Variants in COL9A2 observed in about 807,000 individuals in gnomAD.
COL9A2 encodes collagen alpha-2(IX) chain.
In COL9A2, 66 loss-of-function variants were observed where a neutral mutation model predicts 111.6. That is an observed-to-expected ratio of 0.59 (90% CI 0.48 to 0.73). The LOEUF (loss-of-function observed/expected upper bound fraction) is 0.73. Among genes scored for constraint, COL9A2 ranks in the 30% least tolerant of loss-of-function variants. The probability of loss-of-function intolerance (pLI) is 0.00; values close to 1 mark genes in which losing one functional copy is unlikely to be tolerated. For synonymous variants in COL9A2, 353 were observed against 364.1 expected (o/e 0.97, Z 0.35); for missense variants, 881 against 954.1 (o/e 0.92, Z 1.01).
chr1:40,307,478 G>T lies in COL9A2; in HGVS notation c.976C>A (p.Gln326Lys), dbSNP rs12077871. 1.9e-6 allele frequency: 3 copies of T among 1,614,066 alleles called. No individual in the cohort carries two copies. Among genetic ancestry groups the T allele is most frequent in the East Asian group, 2.2e-5 (1 of 44,866 alleles). Reference sequence around the variant, plus strand: ...CCCTGGTGGCCTGGACTTCCGGGCTGTCCCGCCTGTCCTGCACTGCCCTGG... The same window carrying T: ...CCCTGGTGGCCTGGACTTCCGGGCTTTCCCGCCTGTCCTGCACTGCCCTGG... ...GMKGSAGQAG[Q>K]PGSPGHQGLA... is the part of the protein sequence containing the mutation. Residue 326 changes from glutamine to lysine, a missense_variant, in exon 19 of 32, where the codon CAG becomes AAG. Gln to Lys is a moderately conservative substitution (Grantham distance 53). Transcript: ENST00000372748. The surrounding 1 kb of genome is among the most constrained non-coding windows in gnomAD (Gnocchi z 4.8).
intron 16 of COL9A2, among the ~76,000 whole-genome samples, chr1:40,308,993 C>T (rs1360384634): frequency 6.6e-6 from 1 of 152,180 alleles, no homozygotes; most frequent in East Asian, 1.9e-4. Flanking sequence ...CACCTGTAAT[C>T]CCAGCACTTT....
intron 17 of COL9A2, among the ~76,000 whole-genome samples, 160 bp downstream of exon 17, chr1:40,308,032 A>G (rs114431912): frequency 6.6e-6 from 1 of 152,284 alleles, no homozygotes; most frequent in African/African-American, 2.4e-5. Flanking sequence ...TTACAGGTGA[A>G]GAAACTGAGG....
intron 25 of COL9A2, 35 bp from the exon 26 acceptor site, chr1:40,304,007 C>A: frequency 6.4e-7 from 1 of 1,569,334 alleles, no homozygotes; most frequent in East Asian, 2.3e-5. Flanking sequence ...CGCGCGGTGG[C>A]GGCGGGGACG....
rs1243701330 is a variant in COL9A2 at position 40,307,863 on chromosome 1, G to A, written c.901-107C>T. On this transcript the variant is annotated intron_variant, in intron 17 of 31. Transcript: ENST00000372748. The surrounding 1 kb of genome is among the most constrained non-coding windows in gnomAD (Gnocchi z 4.8). The stretch of plus-strand genomic sequence containing the variant: ...AGCTGCAGTGTGCAGGGAGGGAGTG[G>A]CTCTGGTCATCCCAGGAAGCCCCAC... 1.8e-5 allele frequency: 22 copies of A among 1,251,994 alleles called. No homozygotes were observed. The highest frequency in any genetic ancestry group is 2.2e-5 in the Non-Finnish European group (19 of 867,670). The allele number at this position is 1,251,994 out of a possible 1,614,324, so 77.6% of individuals were successfully genotyped here. A position where few individuals can be genotyped will look rare whatever the true frequency, so the allele number is the denominator to read the frequency against.
At position 40,310,905 on chromosome 1, in the gene COL9A2, A is replaced by G; in HGVS notation, c.631-138T>C. On this transcript the variant is annotated intron_variant, in intron 12 of 31. Transcript: ENST00000372748. This position sits in a 1 kb window ranked among gnomAD's most constrained non-coding sequence, Gnocchi z 4.9. ...CGAACCCTACAGTCCTGTGTTACAGATAGAGAAAAGCCAAGCAAGGAGACA... is the reference window on the plus strand; with the variant it reads ...CGAACCCTACAGTCCTGTGTTACAGGTAGAGAAAAGCCAAGCAAGGAGACA... 9.4e-7 allele frequency: 1 copy of G among 1,060,930 alleles called. No homozygotes were observed. Among genetic ancestry groups the G allele is most frequent in the South Asian group, 1.3e-5 (1 of 74,556 alleles). 65.7% of individuals were successfully genotyped at this position (1,060,930 alleles called of 1,614,324 possible). A position where few individuals can be genotyped will look rare whatever the true frequency, so the allele number is the denominator to read the frequency against.
In COL9A2 at chr1:40,301,745, A is replaced by C; in HGVS notation, c.1870+67T>G. 2.0e-6 allele frequency: 3 copies of C among 1,467,102 alleles called. No homozygotes were observed. The South Asian group carries it at 3.5e-5, about 17-fold the overall frequency. 90.9% of individuals were successfully genotyped at this position (1,467,102 alleles called of 1,614,324 possible). ...GTGAGGCCGCCATGGAGGAGACCGC[A>C]GTGTCCACACGTCATTAATTCCCAA... On this transcript the variant is annotated intron_variant, in intron 31 of 31. Transcript: ENST00000372748.
At chr1:40,309,797 ACAC>A (rs1644089794) in intron 16 of COL9A2, 138 bp downstream of exon 16, 1 of 835,540 alleles carries the variant, frequency 1.2e-6, no homozygotes, top group Non-Finnish European at 2.1e-6. Flanking sequence ...ACACACACAC[ACAC>A]TACACACTCA....
chr1:40,304,179 C>T, intron 24 of COL9A2, 80 bp from the exon 25 acceptor site: 1 of 1,515,774 alleles, frequency 6.6e-7, no homozygotes, highest in Non-Finnish European at 8.8e-7. Context: ...CCACACCCCT[C>T]TTTCCAACTC....
chr1:40,301,551 A>G (rs1396912285), intron 31 of COL9A2, among the ~76,000 whole-genome samples, 170 bp from the exon 32 acceptor site: 2 of 152,176 alleles, frequency 1.3e-5, no homozygotes, highest in Non-Finnish European at 1.5e-5. Context: ...CCAGCTCCCA[A>G]TCAGTGAGCT....
At chr1:40,306,743 T>G (rs1375766398) in intron 19 of COL9A2, among the ~76,000 whole-genome samples, 5 of 152,086 alleles carry the variant, frequency 3.3e-5, no homozygotes, top group African/African-American at 1.2e-4. Context: ...CAGATTATGG[T>G]GGTCATTGAA....
chr1:40,303,902 C>T lies in COL9A2; in HGVS notation c.1368+26G>A, dbSNP rs1362086318. The T allele has an allele frequency of 1.9e-6, 3 of 1,550,740 alleles. No individual in the cohort carries two copies. The highest frequency in any genetic ancestry group is 2.4e-5 in the South Asian group (2 of 84,122). On this transcript the variant is annotated intron_variant, in intron 26 of 31. Transcript: ENST00000372748. The surrounding 1 kb of genome is among the most constrained non-coding windows in gnomAD (Gnocchi z 4.6). Reference sequence around the variant, plus strand: ...GACCCCGGGGCCAGCCGCCGCTCCCCGCCCTTCCCTAGGCCGCGCGCTCAC... The same window carrying T: ...GACCCCGGGGCCAGCCGCCGCTCCCTGCCCTTCCCTAGGCCGCGCGCTCAC...
rs547548685 is a variant in COL9A2 at position 40,314,601 on chromosome 1, C to T, written c.151-214G>A. Among the ~76,000 whole-genome samples, 5 of 152,224 alleles carry T rather than the reference C, an allele frequency of 3.3e-5. No homozygotes were observed. In the South Asian group the frequency reaches 8.3e-4, roughly 25 times the overall value. On this transcript the variant is annotated intron_variant, in intron 2 of 31. Transcript: ENST00000372748. The surrounding 1 kb of genome is among the most constrained non-coding windows in gnomAD (Gnocchi z 4.1). The stretch of plus-strand genomic sequence containing the variant: ...ACAGGAGCATGAGAATAACCCTGGC[C>T]GGGCTGGAGAGGGTGACAGCAACAT...
At position 40,303,657 on chromosome 1, in the gene COL9A2, G is replaced by T. The variant is rs764750434; in HGVS notation, c.1421C>A (p.Pro474His). The T allele has an allele frequency of 6.3e-7, 1 of 1,577,562 alleles. No homozygotes were observed. The highest frequency in any genetic ancestry group is 1.4e-5 in the African/African-American group (1 of 74,044). Reference sequence around the variant, plus strand: ...ATCCCCGCTGGGGCCAGGGTAGCCGGGTTCTCCACGTACTCCTTGCTGCGG... The same window carrying T: ...ATCCCCGCTGGGGCCAGGGTAGCCGTGTTCTCCACGTACTCCTTGCTGCGG... ...PKGQQGVRGE[P>H]GYPGPSGDAG... Residue 474 changes from proline to histidine, a missense_variant, in exon 28 of 32, where the codon CCC becomes CAC. Transcript: ENST00000372748. This position sits in a 1 kb window ranked among gnomAD's most constrained non-coding sequence, Gnocchi z 4.6.
intron 24 of COL9A2, 55 bp from the exon 25 acceptor site, chr1:40,304,154 C>G: frequency 6.6e-7 from 1 of 1,522,584 alleles, no homozygotes; most frequent in Non-Finnish European, 8.8e-7. Context: ...ACGGGGTCCC[C>G]CACCTAACTT....
chr1:40,314,276 C>G lies in COL9A2; in HGVS notation c.187-9G>C, dbSNP rs775903121. On this transcript the variant is annotated splice_polypyrimidine_tract_variant and intron_variant, in intron 3 of 31. Coordinates refer to ENST00000372748, the MANE Select transcript of COL9A2 (RefSeq NM_001852.4). This position sits in a 1 kb window ranked among gnomAD's most constrained non-coding sequence, Gnocchi z 4.1. ...GGCTCGCCCTTGGGTCCCTTGAAAA[C>G]AGAGATGGAACAAACATGAGCCAGA... 27 of 1,614,092 alleles carry G rather than the reference C, an allele frequency of 1.7e-5. No individual in the cohort carries two copies. The highest frequency in any genetic ancestry group is 2.2e-5 in the Non-Finnish European group (26 of 1,180,050).
chr1:40,317,254 A>T lies in COL9A2; in HGVS notation c.-57T>A. On this transcript the variant is annotated 5_prime_UTR_variant, in exon 1 of 32. Transcript: ENST00000372748. This position sits in a 1 kb window ranked among gnomAD's most constrained non-coding sequence, Gnocchi z 4.3. ...GTGTCCGCGCACGCACCGACGGCAG[A>T]GTCTCCCGGCGCTCCTCCAGCGCTG... 1 of 1,055,294 alleles carries T rather than the reference A, an allele frequency of 9.5e-7. No homozygotes were observed. Among genetic ancestry groups the T allele is most frequent in the Non-Finnish European group, 1.3e-6 (1 of 761,040 alleles). The allele number at this position is 1,055,294 out of a possible 1,614,324, so 65.4% of individuals were successfully genotyped here. A position where few individuals can be genotyped will look rare whatever the true frequency, so the allele number is the denominator to read the frequency against.
rs1224643910 is a variant in COL9A2 at position 40,316,794 on chromosome 1, G to A, written c.75+329C>T. 2 of 423,006 alleles carry A rather than the reference G, an allele frequency of 4.7e-6. No homozygotes were observed. Among genetic ancestry groups the A allele is most frequent in the East Asian group, 1.1e-4 (2 of 17,630 alleles). The allele number at this position is 423,006 out of a possible 1,614,324, so 26.2% of individuals were successfully genotyped here. A position where few individuals can be genotyped will look rare whatever the true frequency, so the allele number is the denominator to read the frequency against. ...GGCGGGGGCGGAGGCTGCGCAGCGG[G>A]TGAATGAGCACCATTGTATGCCCCG... On this transcript the variant is annotated intron_variant, in intron 1 of 31. Coordinates refer to ENST00000372748, the MANE Select transcript of COL9A2 (RefSeq NM_001852.4). This position sits in a 1 kb window ranked among gnomAD's most constrained non-coding sequence, Gnocchi z 5.5.
At chr1:40,301,988 G>T in intron 30 of COL9A2, 99 bp from the exon 31 acceptor site, 1 of 1,263,752 alleles carries the variant, frequency 7.9e-7, no homozygotes, top group Non-Finnish European at 1.1e-6. Context: ...CCTGTTTTGT[G>T]CTAGTTTGTA....
rs760341544 is a variant in COL9A2, at chr1:40,310,313, G to A, written c.689C>T (p.Pro230Leu). 8.7e-6 allele frequency: 14 copies of A among 1,613,862 alleles called. No homozygotes were observed. The East Asian group carries it at 3.1e-4, about 36-fold the overall frequency. ...GEQGIPGPPG[P>L]QGIRGYPGMA... ...GCCTGGGTAGCCCCTGATGCCCTGG[G>A]GACCCTGTTGAGAAAGAAAAATGAC... Residue 230 changes from proline (P) to leucine (L), a missense_variant, in exon 14 of 32, where the codon CCC becomes CTC. Physicochemically the swap from Pro to Leu is moderately conservative, Grantham distance 98. Transcript: ENST00000372748. The surrounding 1 kb of genome is among the most constrained non-coding windows in gnomAD (Gnocchi z 4.9).
Sources: allele counts gnomAD v4.1 joint callset (sites outside exome capture counted in the v4.1 genomes callset), GRCh38; gene constraint gnomAD v4.1.1; non-coding constraint Gnocchi (gnomAD v3.1); transcripts MANE v1.5; gene names NCBI Gene and HGNC (gene_info 2026-07-23, HGNC 2026-07-21).